Variants in NCOR2 observed in about 807,000 individuals in gnomAD.
The protein encoded by NCOR2 is CTG repeat protein 26.
NCOR2 carries 81 observed loss-of-function variants against 262.9 expected under a neutral mutation model. The ratio of observed to expected loss-of-function variants is 0.31; its 90% CI spans 0.26 to 0.37. The LOEUF is 0.37. Among genes scored for constraint, NCOR2 ranks in the 10% least tolerant of loss-of-function variants. The pLI, the probability that NCOR2 is intolerant of heterozygous loss-of-function variation, is 1.00. For missense variants in NCOR2, 3,385 were observed against 3,621.4 expected, an observed-to-expected ratio of 0.93 and a Z score of 1.68; for synonymous variants, 1,659 against 1,559.3, an observed-to-expected ratio of 1.06 and a Z score of -1.51.
At chr12:124,365,146 G>A (rs894147055) in intron 20 of NCOR2, among the ~76,000 whole-genome samples, 1 of 152,218 alleles carries the variant, frequency 6.6e-6, no homozygotes, top group African/African-American at 2.4e-5. Context: ...CTCTGTCCTA[G>A]GTCTTCCAAG....
intron 1 of NCOR2, among the ~76,000 whole-genome samples, chr12:124,557,265 G>C (rs979062584): frequency 4.6e-5 from 7 of 152,346 alleles, no homozygotes; most frequent in South Asian, 2.1e-4. Flanking sequence ...ACACGCCGGG[G>C]ACTTAAAACA....
rs377441033 is a variant in NCOR2, at chr12:124,470,492, C to T, written c.591+2460G>A. 1.4e-4 allele frequency among the ~76,000 whole-genome samples: 21 copies of T among 152,272 alleles called. No homozygotes were observed. In the South Asian group the frequency reaches 3.3e-3, roughly 24 times the overall value. On this transcript the variant is annotated intron_variant, in intron 4 of 46. Transcript: ENST00000405201. ...AACAAAAGGAGGCATCTCCATACAACGGAATATGTTTCAGCCATAAAAAGG... is the reference window on the plus strand; with the variant it reads ...AACAAAAGGAGGCATCTCCATACAATGGAATATGTTTCAGCCATAAAAAGG...
chr12:124,334,431 C>A (rs750816925), exon 41 of NCOR2: 3 of 1,510,622 alleles, frequency 2.0e-6, no homozygotes, highest in East Asian at 2.7e-5. Context: ...CACCTCTTGC[C>A]CCCTTCGCTG....
intron 1 of NCOR2, among the ~76,000 whole-genome samples, chr12:124,492,993 G>T (rs1026303833): frequency 7.9e-5 from 12 of 152,310 alleles, no homozygotes; most frequent in Admixed American, 7.2e-4. Context: ...CCCCACACAA[G>T]GACAGACATG....
intron 16 of NCOR2, among the ~76,000 whole-genome samples, chr12:124,386,998 G>A (rs892483063): frequency 6.6e-6 from 1 of 152,276 alleles, no homozygotes; most frequent in African/African-American, 2.4e-5. Context: ...CAGGGCAGCA[G>A]GCCCCAAGGC....
At chr12:124,328,748 G>C (rs997832939) in intron 44 of NCOR2, 1 of 175,972 alleles carries the variant, frequency 5.7e-6, no homozygotes, top group Non-Finnish European at 1.2e-5. Context: ...TCGTCTTTCC[G>C]ACCACTCGCT....
intron 20 of NCOR2, among the ~76,000 whole-genome samples, chr12:124,370,903 G>A (rs2039450341): frequency 6.6e-6 from 1 of 152,142 alleles, no homozygotes; most frequent in African/African-American, 2.4e-5. Flanking sequence ...GATCCAAGGT[G>A]ATCACCTGTG....
intron 7 of NCOR2, among the ~76,000 whole-genome samples, chr12:124,448,153 G>A (rs2045299438): frequency 6.6e-6 from 1 of 152,198 alleles, no homozygotes; most frequent in Non-Finnish European, 1.5e-5. Context: ...TGGGATGAAT[G>A]AATGAGGGAA....
In NCOR2 at chr12:124,373,038, G is replaced by A. The variant is rs544127484; in HGVS notation, c.2219-428C>T. 3.3e-5 allele frequency among the ~76,000 whole-genome samples: 5 copies of A among 152,358 alleles called. No individual in the cohort carries two copies. The South Asian group carries it at 1.0e-3, about 32-fold the overall frequency. ...ACGGGAAACTCAGGTTACCTCTTGG[G>A]CCTCAGTTTTCCCATCTGCAGAACG... On this transcript the variant is annotated intron_variant, in intron 19 of 46. Transcript: ENST00000405201.
At chr12:124,335,056 TG>T in intron 40 of NCOR2, 78 bp downstream of exon 42, 2 of 1,598,754 alleles carry the variant, frequency 1.3e-6, no homozygotes, top group Non-Finnish European at 1.7e-6. Flanking sequence ...AGAAGGGCTG[TG>T]GGGTTCCCCA....
rs772952443 is a variant in NCOR2 at position 124,454,516 on chromosome 12, G to A, written c.762+2590C>T. Among the ~76,000 whole-genome samples, 33 of 152,206 alleles carry A rather than the reference G, an allele frequency of 2.2e-4. No homozygotes were observed. Among genetic ancestry groups the A allele is most frequent in the Non-Finnish European group, 2.8e-4 (19 of 68,020 alleles). ...GACTCCCACGGACAGGGGCTTCCTC[G>A]CCTGTGTTCCTCGGGCCCTAAGACA... On this transcript the variant is annotated intron_variant, in intron 6 of 46. Transcript: ENST00000405201. The surrounding 1 kb of genome is among the most constrained non-coding windows in gnomAD (Gnocchi z 5.6).
At chr12:124,375,452 C>G (rs144356706) in intron 18 of NCOR2, among the ~76,000 whole-genome samples, 20 of 152,320 alleles carry the variant, frequency 1.3e-4, no homozygotes, top group Admixed American at 1.2e-3. Flanking sequence ...TGATTCAGTA[C>G]GTGTGGACTG....
intron 13 of NCOR2, 24 bp from the exon 16 acceptor site, chr12:124,402,585 G>C: frequency 6.5e-7 from 1 of 1,550,016 alleles, no homozygotes; most frequent in Non-Finnish European, 8.7e-7. Flanking sequence ...GGGGAGGGCA[G>C]AGGGGAGTGG....
intron 11 of NCOR2, 57 bp from the exon 14 acceptor site, chr12:124,422,612 C>T: frequency 6.3e-7 from 1 of 1,599,718 alleles, no homozygotes; most frequent in South Asian, 1.1e-5. Flanking sequence ...TCCTGCGGGG[C>T]AGCCGATCGG....
At chr12:124,332,297 C>T (rs372900256) in intron 43 of NCOR2, 22 bp downstream of exon 45, 36 of 1,613,096 alleles carry the variant, frequency 2.2e-5, no homozygotes, top group East Asian at 2.0e-4. Context: ...CATGCTTCCC[C>T]GGGAGCCTGC....
At chr12:124,519,089 T>TACACACACACAGACAC (rs58285194) in intron 1 of NCOR2, among the ~76,000 whole-genome samples, 2 of 97,268 alleles carry the variant, frequency 2.1e-5, no homozygotes, top group Admixed American at 2.2e-4. Context: ...GGCCAAATAA[T>TACACACACACAGACAC]ACACACACAC....
At chr12:124,372,323 G>T in exon 20 of NCOR2, 1 of 1,525,678 alleles carries the variant, frequency 6.6e-7, no homozygotes. Flanking sequence ...TCCTCCACTG[G>T]GGGCGCTGCT....
chr12:124,390,834 C>T (rs1462103681), intron 16 of NCOR2, among the ~76,000 whole-genome samples: 1 of 152,256 alleles, frequency 6.6e-6, no homozygotes, highest in East Asian at 1.9e-4. Context: ...GAAGGAGTTT[C>T]GTTCTGAAGA....
At chr12:124,349,319 C>T (rs575410914) in intron 28 of NCOR2, among the ~76,000 whole-genome samples, 3 of 152,316 alleles carry the variant, frequency 2.0e-5, no homozygotes, top group Non-Finnish European at 4.4e-5. Context: ...GGAGCCCCCG[C>T]CCCACCCCTC....
Sources: allele counts gnomAD v4.1 joint callset (sites outside exome capture counted in the v4.1 genomes callset), GRCh38; gene constraint gnomAD v4.1.1; non-coding constraint Gnocchi (gnomAD v3.1); transcripts MANE v1.5; gene names NCBI Gene and HGNC (gene_info 2026-07-23, HGNC 2026-07-21).